The following GOT1 variants were observed in gnomAD, a reference collection of about 807,000 sequenced individuals.
GOT1 encodes the protein aspartate aminotransferase, cytoplasmic.
Under a neutral mutation model 48.2 loss-of-function variants are expected in GOT1, and 25 were observed. The observed-to-expected ratio is 0.52, with a 90% CI of 0.38 to 0.72. The LOEUF is 0.72. Among genes scored for constraint, GOT1 ranks in the 30% least tolerant of loss-of-function variants. GOT1 has a pLI of 0.00. For synonymous variants in GOT1, 188 were observed against 193.8 expected, an observed-to-expected ratio of 0.97 and a Z score of 0.25; for missense variants, 380 against 520.1, an observed-to-expected ratio of 0.73 and a Z score of 2.62.
chr10:99,412,991 A>G (rs1278796643), intron 2 of GOT1, among the ~76,000 whole-genome samples: 1 of 152,230 alleles, frequency 6.6e-6, no homozygotes, highest in African/African-American at 2.4e-5. Flanking sequence ...AGATGGGGAA[A>G]AAACAGAGCA....
At chr10:99,402,262 A>C (rs1006064664) in intron 8 of GOT1, among the ~76,000 whole-genome samples, 2 of 152,246 alleles carry the variant, frequency 1.3e-5, no homozygotes, top group Non-Finnish European at 2.9e-5. Flanking sequence ...CTGAGCATTT[A>C]TAAGAACCTT....
At chr10:99,413,889 C>A in intron 2 of GOT1, among the ~76,000 whole-genome samples, 1 of 151,972 alleles carries the variant, frequency 6.6e-6, no homozygotes, top group Non-Finnish European at 1.5e-5. Context: ...CAAGCAAATG[C>A]TGAGAGATTT....
chr10:99,414,644 C>T (rs1381800255), intron 2 of GOT1, among the ~76,000 whole-genome samples: 1 of 152,156 alleles, frequency 6.6e-6, no homozygotes, highest in Non-Finnish European at 1.5e-5. Context: ...ATACATTCTT[C>T]TCAGCACCAC....
Position 99,402,814 on chromosome 10 carries a change from G to A in GOT1, c.960-92C>T, listed in dbSNP as rs184711224. The A allele has an allele frequency of 4.6e-4, 487 of 1,047,590 alleles. 2 individuals carry two copies. The highest frequency in any genetic ancestry group is 6.4e-4 in the Non-Finnish European group (439 of 687,200). The allele number at this position is 1,047,590 out of a possible 1,614,324, so 64.9% of individuals were successfully genotyped here. A position where few individuals can be genotyped will look rare whatever the true frequency, so the allele number is the denominator to read the frequency against. On this transcript the variant is annotated intron_variant, in intron 7 of 8. Transcript: ENST00000370508. ...TTTAAAAACTCTAATTTAAACGACA[G>A]CTGACAATGGGATCATAACCTGCCT... is the stretch of plus-strand genomic sequence containing the variant.
At chr10:99,409,501 A>G (rs927991826) in intron 2 of GOT1, among the ~76,000 whole-genome samples, 3 of 152,202 alleles carry the variant, frequency 2.0e-5, no homozygotes, top group Non-Finnish European at 2.9e-5. Context: ...CTAACATAAC[A>G]TTGCTGCTAA....
chr10:99,402,562 G>A lies in GOT1; in HGVS notation c.1102+18C>T, dbSNP rs372762364. ...GTCTACATGCACGCATGGGCTGGAG[G>A]TGGTGGGGGCCACTTACGGTTCAAC... is the stretch of plus-strand genomic sequence containing the variant. On this transcript the variant is annotated intron_variant, in intron 8 of 8. Transcript: ENST00000370508. The A allele has an allele frequency of 6.2e-7, 1 of 1,613,848 alleles. No individual in the cohort carries two copies. The highest frequency in any genetic ancestry group is 8.5e-7 in the Non-Finnish European group (1 of 1,179,758).
At position 99,406,265 on chromosome 10, in the gene GOT1, T is replaced by C; in HGVS notation, c.425-16A>G. On this transcript the variant is annotated splice_polypyrimidine_tract_variant and intron_variant, in intron 3 of 8. Transcript: ENST00000370508. ...TTGTGATTCTCTGCATGCAAAGAAG[T>C]AAAAAGTTAAGCACTTTACAAACAC... The C allele has an allele frequency of 3.2e-6, 5 of 1,570,542 alleles. No homozygotes were observed. The highest frequency in any genetic ancestry group is 4.4e-6 in the Non-Finnish European group (5 of 1,140,270).
At chr10:99,429,301 G>A (rs56221137) in intron 1 of GOT1, among the ~76,000 whole-genome samples, 1 of 151,058 alleles carries the variant, frequency 6.6e-6, no homozygotes, top group Admixed American at 6.6e-5. Context: ...GCCCGTCTCA[G>A]CCTCCCAAAG....
At chr10:99,427,766 G>A (rs888052751) in intron 1 of GOT1, among the ~76,000 whole-genome samples, 6 of 152,186 alleles carry the variant, frequency 3.9e-5, no homozygotes, top group Non-Finnish European at 4.4e-5. Flanking sequence ...AAATACAGGT[G>A]TGGGCAGAGA....
chr10:99,405,619 A>G, intron 5 of GOT1, 137 bp downstream of exon 5: 1 of 606,922 alleles, frequency 1.6e-6, no homozygotes, highest in East Asian at 2.8e-5. Flanking sequence ...TAAAATTTAC[A>G]GTTAATACTT....
intron 1 of GOT1, among the ~76,000 whole-genome samples, chr10:99,424,932 T>G (rs1317761865): frequency 6.6e-6 from 1 of 152,196 alleles, no homozygotes; most frequent in Non-Finnish European, 1.5e-5. Flanking sequence ...CAAGAATTTT[T>G]ATTCCTATTT....
Position 99,410,671 on chromosome 10 carries a change from A to G in GOT1, c.301-3822T>C, listed in dbSNP as rs145042464. 2.5e-3 allele frequency among the ~76,000 whole-genome samples: 380 copies of G among 152,364 alleles called. 1 individual carries two copies. Among genetic ancestry groups the G allele is most frequent in the African/African-American group, 8.8e-3 (368 of 41,592 alleles). ...TGAAACACAAGTTGCTCTAAACATCAGCAACTAACAGAAACAAGTTTTTGG... is the reference window on the plus strand; with the variant it reads ...TGAAACACAAGTTGCTCTAAACATCGGCAACTAACAGAAACAAGTTTTTGG... On this transcript the variant is annotated intron_variant, in intron 2 of 8. Coordinates refer to ENST00000370508, the MANE Select transcript of GOT1 (RefSeq NM_002079.3).
intron 2 of GOT1, among the ~76,000 whole-genome samples, chr10:99,407,461 C>T (rs1229974768): frequency 2.7e-5 from 4 of 146,700 alleles, no homozygotes; most frequent in Admixed American, 6.8e-5. Flanking sequence ...TTGAGACAGT[C>T]TCATTCTGTC....
At chr10:99,405,103 G>A (rs974067690) in intron 5 of GOT1, among the ~76,000 whole-genome samples, 6 of 152,176 alleles carry the variant, frequency 3.9e-5, no homozygotes, top group Non-Finnish European at 5.9e-5. Flanking sequence ...CAAACAGGCT[G>A]TCTGTCTTTG....
At chr10:99,428,281 A>T (rs2033066412) in intron 1 of GOT1, among the ~76,000 whole-genome samples, 1 of 152,234 alleles carries the variant, frequency 6.6e-6, no homozygotes, top group Non-Finnish European at 1.5e-5. Flanking sequence ...AATGTACTTA[A>T]TCCTCACAGA....
At chr10:99,408,953 C>T (rs1564970888) in intron 2 of GOT1, among the ~76,000 whole-genome samples, 1 of 151,750 alleles carries the variant, frequency 6.6e-6, no homozygotes, top group African/African-American at 2.4e-5. Context: ...ATCCAGCTTT[C>T]GTGGAGGGCA....
At chr10:99,423,350 T>C (rs1362991145) in intron 1 of GOT1, among the ~76,000 whole-genome samples, 1 of 152,228 alleles carries the variant, frequency 6.6e-6, no homozygotes, top group African/African-American at 2.4e-5. Flanking sequence ...TGATAAATGT[T>C]CATATATTTA....
At position 99,402,698 on chromosome 10, in the gene GOT1, A is replaced by T. The variant is rs1377378123; in HGVS notation, c.984T>A (p.Ala328=). 6.2e-7 allele frequency: 1 copy of T among 1,614,040 alleles called. No individual in the cohort carries two copies. Among genetic ancestry groups the T allele is most frequent in the African/African-American group, 1.3e-5 (1 of 75,068 alleles). The part of the protein sequence containing the change: ...EEWTGNVKTM[A]DRILTMRSEL... ...CAGATCTCATGGTCAGAATCCGGTC[A>T]GCCATTGTCTTCACATTACCTGTCC... Residue 328 remains alanine, a synonymous_variant, in exon 8 of 9, where the codon GCT becomes GCA. Transcript: ENST00000370508.
intron 1 of GOT1, among the ~76,000 whole-genome samples, chr10:99,426,667 T>C (rs2033041148): frequency 6.6e-6 from 1 of 152,178 alleles, no homozygotes; most frequent in South Asian, 2.1e-4. Context: ...GTCTGAAGCT[T>C]TGAGAAGCAC....
Sources: allele counts gnomAD v4.1 joint callset (sites outside exome capture counted in the v4.1 genomes callset), GRCh38; gene constraint gnomAD v4.1.1; transcripts MANE v1.5; gene names NCBI Gene and HGNC (gene_info 2026-07-23, HGNC 2026-07-21).